Variants in MDGA2 observed in about 807,000 individuals in gnomAD.
The protein encoded by MDGA2 is MAM domain containing glycosylphosphatidylinositol anchor 2.
In MDGA2, 40 loss-of-function variants were observed where a neutral mutation model predicts 117.8. That is an observed-to-expected ratio of 0.34 (90% CI 0.26 to 0.44). The LOEUF is 0.44. Among genes scored for constraint, MDGA2 ranks in the 20% least tolerant of loss-of-function variants. The pLI is 1.00. For missense variants in MDGA2, 1,123 were observed against 1,250.6 expected (o/e 0.90, Z 1.54); for synonymous variants, 452 against 439.0 (o/e 1.03, Z -0.37).
At chr14:47,668,604 A>G (rs1898019877) in intron 1 of MDGA2, among the ~76,000 whole-genome samples, 1 of 152,240 alleles carries the variant, frequency 6.6e-6, no homozygotes, top group Admixed American at 6.5e-5. Context: ...GTTTGCTCTA[A>G]GTAATATAGT....
At chr14:46,934,317 T>G (rs759235745) in intron 9 of MDGA2, among the ~76,000 whole-genome samples, 4 of 152,040 alleles carry the variant, frequency 2.6e-5, no homozygotes, top group Non-Finnish European at 5.9e-5. Context: ...ACTAAAAACA[T>G]GGACTTATGG....
At chr14:46,971,706 G>A (rs1205776176) in intron 8 of MDGA2, among the ~76,000 whole-genome samples, 1 of 151,952 alleles carries the variant, frequency 6.6e-6, no homozygotes, top group Admixed American at 6.6e-5. Context: ...TAAAAGACAG[G>A]TATATAGTTA....
chr14:47,076,425 A>G (rs1221068448), intron 6 of MDGA2, among the ~76,000 whole-genome samples: 1 of 152,120 alleles, frequency 6.6e-6, no homozygotes, highest in Non-Finnish European at 1.5e-5. Flanking sequence ...TGACTCTCTG[A>G]AAGCTCAGTT....
intron 8 of MDGA2, among the ~76,000 whole-genome samples, chr14:46,990,063 C>A (rs1338577721): frequency 6.6e-6 from 1 of 152,090 alleles, no homozygotes; most frequent in African/African-American, 2.4e-5. Context: ...TTCATAGGTT[C>A]AAATCCAGAC....
At chr14:47,468,607 C>T (rs1893652448) in intron 1 of MDGA2, among the ~76,000 whole-genome samples, 1 of 152,054 alleles carries the variant, frequency 6.6e-6, no homozygotes, top group African/African-American at 2.4e-5. Flanking sequence ...GGCTGGAATC[C>T]TTAGCTGTGC....
intron 1 of MDGA2, among the ~76,000 whole-genome samples, chr14:47,667,852 A>G (rs1309278001): frequency 1.3e-5 from 2 of 152,198 alleles, no homozygotes; most frequent in Non-Finnish European, 2.9e-5. Flanking sequence ...ATACTGTAAC[A>G]TGTCATACAC....
chr14:47,511,154 C>T (rs1224394998), intron 1 of MDGA2, among the ~76,000 whole-genome samples: 2 of 152,076 alleles, frequency 1.3e-5, no homozygotes, highest in Non-Finnish European at 2.9e-5. Context: ...GGGACAGTAC[C>T]TATCAGGAAG....
At chr14:47,609,173 C>A (rs569771672) in intron 1 of MDGA2, among the ~76,000 whole-genome samples, 5 of 151,042 alleles carry the variant, frequency 3.3e-5, no homozygotes, top group Admixed American at 3.3e-4. Flanking sequence ...AAGCAGTATA[C>A]GCTGCACAGT....
At chr14:47,646,292 C>T (rs1396406053) in intron 1 of MDGA2, among the ~76,000 whole-genome samples, 1 of 151,900 alleles carries the variant, frequency 6.6e-6, no homozygotes, top group Non-Finnish European at 1.5e-5. Flanking sequence ...ACAATTACTT[C>T]ATTAAGCTTT....
chr14:47,042,518 T>G (rs144619238), intron 7 of MDGA2, among the ~76,000 whole-genome samples: 2 of 152,202 alleles, frequency 1.3e-5, no homozygotes, highest in East Asian at 3.9e-4. Context: ...TGAGTGCTGT[T>G]TCAGTGTTTG....
intron 1 of MDGA2, among the ~76,000 whole-genome samples, chr14:47,359,182 T>C (rs1011313787): frequency 6.6e-5 from 10 of 152,102 alleles, no homozygotes; most frequent in African/African-American, 2.4e-4. Context: ...GGTGAAACCC[T>C]GTCTCTACTA....
chr14:46,924,357 A>G (rs2138523998), intron 9 of MDGA2, among the ~76,000 whole-genome samples: 1 of 152,198 alleles, frequency 6.6e-6, no homozygotes, highest in South Asian at 2.1e-4. Flanking sequence ...ATGAACACTT[A>G]AAATGTGCTC....
intron 1 of MDGA2, among the ~76,000 whole-genome samples, chr14:47,387,091 A>T (rs2138429496): frequency 6.6e-6 from 1 of 152,282 alleles, no homozygotes; most frequent in Admixed American, 6.5e-5. Context: ...TTATCTTCAG[A>T]GGGTATGACT....
intron 1 of MDGA2, among the ~76,000 whole-genome samples, chr14:47,536,082 A>G (rs1034167047): frequency 1.3e-5 from 2 of 152,164 alleles, no homozygotes; most frequent in Non-Finnish European, 2.9e-5. Flanking sequence ...CATCTCATTG[A>G]TCCAACCAAG....
At chr14:46,858,758 AAG>A (rs1316422207) in intron 14 of MDGA2, among the ~76,000 whole-genome samples, 1 of 152,140 alleles carries the variant, frequency 6.6e-6, no homozygotes, top group South Asian at 2.1e-4. Flanking sequence ...TCTATCTGCT[AAG>A]TCCAAAGTCT....
chr14:47,426,359 C>G (rs1243544594), intron 1 of MDGA2, among the ~76,000 whole-genome samples: 1 of 151,892 alleles, frequency 6.6e-6, no homozygotes, highest in Non-Finnish European at 1.5e-5. Flanking sequence ...ATTGGGATCT[C>G]TTTCAGAAGG....
At chr14:47,477,022 C>T (rs1246212804) in intron 1 of MDGA2, among the ~76,000 whole-genome samples, 1 of 152,098 alleles carries the variant, frequency 6.6e-6, no homozygotes, top group Non-Finnish European at 1.5e-5. Flanking sequence ...ATTTGCCGAG[C>T]GTGGTGGCGC....
chr14:47,166,701 C>T (rs534317332), intron 3 of MDGA2, among the ~76,000 whole-genome samples: 5 of 151,972 alleles, frequency 3.3e-5, no homozygotes, highest in Non-Finnish European at 5.9e-5. Flanking sequence ...CAACTTGAAA[C>T]AAATGATTAT....
chr14:47,401,101 T>G (rs539728054), intron 1 of MDGA2, among the ~76,000 whole-genome samples: 6 of 151,856 alleles, frequency 4.0e-5, no homozygotes, highest in Non-Finnish European at 8.8e-5. Flanking sequence ...TCTGGGTGCT[T>G]CATTTGTCTA....
Sources: allele counts gnomAD v4.1 joint callset (sites outside exome capture counted in the v4.1 genomes callset), GRCh38; gene constraint gnomAD v4.1.1; transcripts MANE v1.5; gene names NCBI Gene and HGNC (gene_info 2026-07-23, HGNC 2026-07-21).